CAGE1: variants seen among roughly 807,000 people sequenced by gnomAD.
CAGE1 encodes the protein cancer antigen 1, also known as cancer-associated gene 1 protein.
In CAGE1, 66 loss-of-function variants were observed where a neutral mutation model predicts 94.9. The ratio of observed to expected loss-of-function variants is 0.70; its 90% confidence interval spans 0.57 to 0.85. The LOEUF (loss-of-function observed/expected upper bound fraction) is 0.85, where lower values mean the gene tolerates loss of function less well. CAGE1 is among the 40% of genes least tolerant of loss of function. CAGE1 has a pLI of 0.00. For synonymous variants in CAGE1, 319 were observed against 321.0 expected, an observed-to-expected ratio of 0.99 and a Z score of 0.07; for missense variants, 865 against 950.4, an observed-to-expected ratio of 0.91 and a Z score of 1.18.
At chr6:7,351,895 G>C (rs1759780836) in intron 11 of CAGE1, among the ~76,000 whole-genome samples, 1 of 152,080 alleles carries the variant, frequency 6.6e-6, no homozygotes, top group African/African-American at 2.4e-5. Flanking sequence ...TGTAATAAAA[G>C]CCATCTATGA....
chr6:7,358,886 C>T (rs750018776), intron 9 of CAGE1, among the ~76,000 whole-genome samples: 34 of 152,154 alleles, frequency 2.2e-4, no homozygotes, highest in African/African-American at 5.1e-4. Flanking sequence ...TTAAAGCCAT[C>T]GCCAAAATGT....
At chr6:7,365,050 AT>A (rs1485569564) in intron 9 of CAGE1, among the ~76,000 whole-genome samples, 1 of 152,076 alleles carries the variant, frequency 6.6e-6, no homozygotes, top group Non-Finnish European at 1.5e-5. Flanking sequence ...CTTCTAACAT[AT>A]TTTTCCTATT....
At chr6:7,349,879 C>T (rs1343582835) in intron 11 of CAGE1, among the ~76,000 whole-genome samples, 1 of 147,504 alleles carries the variant, frequency 6.8e-6, no homozygotes. Flanking sequence ...TGCCGTGAGC[C>T]AAGATCTCAC....
rs146686862 is a variant in CAGE1 at position 7,349,910 on chromosome 6, G to A, written c.2369+5131C>T. 9.2e-3 allele frequency among the ~76,000 whole-genome samples: 1,324 copies of A among 143,410 alleles called. 33 individuals are homozygous for A. In the East Asian group the frequency reaches 0.1, roughly 11 times the overall value. The allele number at this position is 143,410 out of a possible 152,430, so 94.1% of individuals were successfully genotyped here. A position where few individuals can be genotyped will look rare whatever the true frequency, so the allele number is the denominator to read the frequency against. On this transcript the variant is annotated intron_variant, in intron 11 of 13. Coordinates refer to ENST00000502583, the MANE Select transcript of CAGE1 (RefSeq NM_001170692.2). ...CTCACTGTTGCACTCCAGCCTGGGC[G>A]ACAAGAGTGAAACACTTGTCTCAAA...
chr6:7,386,400 T>G (rs540008636), intron 2 of CAGE1, among the ~76,000 whole-genome samples: 2 of 152,346 alleles, frequency 1.3e-5, no homozygotes, highest in Non-Finnish European at 1.5e-5. Flanking sequence ...GGCATTTTCA[T>G]GAAGACAGGA....
In CAGE1 at chr6:7,373,978, G is replaced by A. The variant is rs76314363; in HGVS notation, c.841C>T (p.Arg281Trp). 6.3e-5 allele frequency: 102 copies of A among 1,613,838 alleles called. No individual in the cohort carries two copies. Among genetic ancestry groups the A allele is most frequent in the Admixed American group, 1.0e-4 (6 of 59,998 alleles). ...CAGTCAGGCATCTCACAGTTCTCCC[G>A]ACATGCTTCACTCCTCCAGGAAATG... is the stretch of plus-strand genomic sequence containing the variant. ...AGISWRSEAC[R>W]ENCEMPDWEQ... is the part of the protein sequence containing the mutation. Residue 281 changes from arginine to tryptophan, a missense_variant, in exon 5 of 14, where the codon CGG becomes TGG. Arg to Trp is a moderately radical substitution (Grantham distance 101, BLOSUM62 -3). Coordinates refer to ENST00000502583, the MANE Select transcript of CAGE1 (RefSeq NM_001170692.2).
At chr6:7,380,143 A>G (rs1023877249) in intron 3 of CAGE1, among the ~76,000 whole-genome samples, 12 of 152,100 alleles carry the variant, frequency 7.9e-5, no homozygotes, top group Admixed American at 1.3e-4. Context: ...CTTTACAAAT[A>G]AGACATCATA....
intron 11 of CAGE1, among the ~76,000 whole-genome samples, chr6:7,345,241 AAGG>A (rs367854908): frequency 0.089 from 13,607 of 152,166 alleles, 1,396 homozygotes; most frequent in African/African-American, 0.25. Flanking sequence ...TACCAAGAAG[AAGG>A]AACAACTCCA....
chr6:7,378,621 C>T lies in CAGE1; in HGVS notation c.683G>A (p.Cys228Tyr), dbSNP rs768036128. ...LNPSQPPSFL[C>Y]KTAVPSKEIQ... ...AATATTATTGTGTACACTTTCCTTA[C>T]ATAAGAAGCTTGGAGGTTGGCTAGG... Residue 228 changes from cysteine to tyrosine, a missense_variant, in exon 4 of 14, where the codon TGT becomes TAT. Transcript: ENST00000502583. 53 of 1,576,912 alleles carry T rather than the reference C, an allele frequency of 3.4e-5. No homozygotes were observed. Among genetic ancestry groups the T allele is most frequent in the Non-Finnish European group, 4.5e-5 (52 of 1,166,842 alleles).
At chr6:7,389,067 T>C (rs994258766) in intron 1 of CAGE1, 135 bp downstream of exon 1, 4 of 315,308 alleles carry the variant, frequency 1.3e-5, no homozygotes, top group Non-Finnish European at 2.6e-5. Context: ...AACATATTTA[T>C]CAAATGTTTG....
At chr6:7,369,325 G>GT (rs202035629) in intron 6 of CAGE1, among the ~76,000 whole-genome samples, 1,957 of 152,080 alleles carry the variant, frequency 0.013, 42 homozygotes, top group African/African-American at 0.045. Flanking sequence ...TCCCTTAATT[G>GT]TTTTTTTCAT....
In CAGE1 at chr6:7,330,557, G is replaced by A. The variant is rs561111491; in HGVS notation, c.2439-669C>T. Among the ~76,000 whole-genome samples, 6 of 152,256 alleles carry A rather than the reference G, an allele frequency of 3.9e-5. No homozygotes were observed. In the East Asian group the frequency reaches 5.8e-4, roughly 15 times the overall value. ...AACATCTGAGGCTATTCAGATACTC[G>A]CTTTTGTATCCTTATTTCCCACTAT... On this transcript the variant is annotated intron_variant, in intron 12 of 13. Transcript: ENST00000502583.
Position 7,368,252 on chromosome 6 carries a change from CAAAAA to C in CAGE1, c.2004+431_2004+435del, listed in dbSNP as rs57530544. 8.3e-5 allele frequency among the ~76,000 whole-genome samples: 7 copies of C among 84,442 alleles called. No individual in the cohort carries two copies. The East Asian group carries it at 1.7e-3, about 20-fold the overall frequency. The allele number at this position is 84,442 out of a possible 152,430, so 55.4% of individuals were successfully genotyped here. A position where few individuals can be genotyped will look rare whatever the true frequency, so the allele number is the denominator to read the frequency against. On this transcript the variant is annotated intron_variant, in intron 7 of 13. Coordinates refer to ENST00000502583, the MANE Select transcript of CAGE1 (RefSeq NM_001170692.2). Reference sequence around the variant, plus strand: ...TGAGCAACAGAGCAAGACTCTGTCTCAAAAAAAAAAAAAAAAAAAAAATTAAAGAA... The same window carrying C: ...TGAGCAACAGAGCAAGACTCTGTCTCAAAAAAAAAAAAAAAAATTAAAGAA...
At chr6:7,354,946 C>A in intron 11 of CAGE1, 95 bp downstream of exon 11, 1 of 864,760 alleles carries the variant, frequency 1.2e-6, no homozygotes, top group East Asian at 2.5e-5. Context: ...GCACATTTTT[C>A]TTCTTTCTAG....
rs1018678709 is a variant in CAGE1 at position 7,382,683 on chromosome 6, C to T, written c.283+3102G>A. 4.0e-5 allele frequency among the ~76,000 whole-genome samples: 6 copies of T among 151,578 alleles called. No homozygotes were observed. The East Asian group carries it at 6.0e-4, about 15-fold the overall frequency. On this transcript the variant is annotated intron_variant, in intron 3 of 13. Coordinates refer to ENST00000502583, the MANE Select transcript of CAGE1 (RefSeq NM_001170692.2). ...TCCCAGCACTTTGGGAGGCTGAGGCCGGCAGATCACAAGGTCAGGGGTTCA... is the reference window on the plus strand; with the variant it reads ...TCCCAGCACTTTGGGAGGCTGAGGCTGGCAGATCACAAGGTCAGGGGTTCA...
Position 7,377,765 on chromosome 6 carries a change from GA to G in CAGE1, c.687+851del, listed in dbSNP as rs368729204. Among the ~76,000 whole-genome samples, 404 of 152,046 alleles carry G rather than the reference GA, an allele frequency of 2.7e-3. 4 individuals carry two copies. Among genetic ancestry groups the G allele is most frequent in the African/African-American group, 9.3e-3 (384 of 41,488 alleles). ...AACAAAACAAAACAACAAAAAAAGA[GA>G]AAAGGTATTACTTATACTATTCTTG... is the stretch of plus-strand genomic sequence containing the variant. On this transcript the variant is annotated intron_variant, in intron 4 of 13. Coordinates refer to ENST00000502583, the MANE Select transcript of CAGE1 (RefSeq NM_001170692.2).
intron 1 of CAGE1, among the ~76,000 whole-genome samples, chr6:7,387,961 G>A (rs773670395): frequency 1.3e-4 from 20 of 150,046 alleles, no homozygotes; most frequent in South Asian, 4.2e-4. Context: ...GTGAACCCCG[G>A]AGGCAGAGCT....
At chr6:7,344,631 C>CA in intron 11 of CAGE1, among the ~76,000 whole-genome samples, 1 of 152,340 alleles carries the variant, frequency 6.6e-6, no homozygotes, top group Admixed American at 6.5e-5. Context: ...AAAGCAGCTC[C>CA]ACCTGCAGCC....
chr6:7,353,696 T>TAC (rs59990182), intron 11 of CAGE1, among the ~76,000 whole-genome samples: 3,274 of 139,542 alleles, frequency 0.023, 51 homozygotes, highest in South Asian at 0.035. Flanking sequence ...TATATATATG[T>TAC]ACACACACAC....
Sources: allele counts gnomAD v4.1 joint callset (sites outside exome capture counted in the v4.1 genomes callset), GRCh38; gene constraint gnomAD v4.1.1; transcripts MANE v1.5; gene names NCBI Gene and HGNC (gene_info 2026-07-23, HGNC 2026-07-21).